Variants in NUDC observed in about 807,000 individuals in gnomAD.
NUDC encodes nuclear migration protein nudC.
NUDC carries 14 observed loss-of-function variants against 45.0 expected under a neutral mutation model. That is an observed-to-expected ratio of 0.31 (90% CI 0.21 to 0.49). The LOEUF (loss-of-function observed/expected upper bound fraction) is 0.49. NUDC is among the 20% of genes least tolerant of loss of function. The pLI is 0.99. For synonymous variants in NUDC, 153 were observed against 156.7 expected (o/e 0.98, Z 0.17); for missense variants, 323 against 426.2 (o/e 0.76, Z 2.13).
intron 1 of NUDC, among the ~76,000 whole-genome samples, chr1:26,901,736 A>G (rs997250330): frequency 6.6e-6 from 1 of 151,934 alleles, no homozygotes; most frequent in African/African-American, 2.4e-5. Flanking sequence ...GGGTTATTTG[A>G]TTACTATTGA....
At position 26,942,678 on chromosome 1, in the gene NUDC, G is replaced by A. The variant is rs2082287810; in HGVS notation, c.448G>A (p.Glu150Lys). 6 of 1,613,964 alleles carry A rather than the reference G, an allele frequency of 3.7e-6. No homozygotes were observed. In the African/African-American group the frequency reaches 6.7e-5, roughly 18 times the overall value. ...TAAGCAGGATACTGAGGAAGATGAG[G>A]AGGAAGATGAGAAGGACAAAGGAAA... ...PGKQDTEEDE[E>K]EDEKDKGKLK... The change falls in exon 5 of 9, where the codon GAG becomes AAG. Residue 150 changes from glutamate (E) to lysine (K), a missense_variant. Physicochemically the swap from Glu to Lys is moderately conservative, Grantham distance 56. This residue lies in a region of NUDC where 245 missense variants were observed against 278.8 expected (regional missense o/e 0.88). Transcript: ENST00000321265.
At chr1:26,917,801 G>A (rs982376947), upstream of NUDC, among the ~76,000 whole-genome samples, 13 of 151,646 alleles carry the variant, frequency 8.6e-5, no homozygotes, top group Admixed American at 7.2e-4. Context: ...CAGGAGAATC[G>A]CTTGAACCTG....
intron 2 of NUDC, among the ~76,000 whole-genome samples, chr1:26,927,822 A>G (rs1570728667): frequency 6.6e-6 from 1 of 152,170 alleles, no homozygotes; most frequent in East Asian, 1.9e-4. Context: ...TTGGTATTTA[A>G]AATTATTTGG....
At chr1:26,933,408 T>C (rs2082199594) in intron 2 of NUDC, among the ~76,000 whole-genome samples, 1 of 151,774 alleles carries the variant, frequency 6.6e-6, no homozygotes, top group African/African-American at 2.4e-5. Context: ...ATGGTAGTTT[T>C]TGTTTTTGTT....
chr1:26,903,751 C>G (rs1028071776), intron 2 of NUDC, among the ~76,000 whole-genome samples: 22 of 151,996 alleles, frequency 1.4e-4, no homozygotes, highest in African/African-American at 5.1e-4. Flanking sequence ...TGGCTCACAC[C>G]TGTAATTCCA....
At chr1:26,928,853 C>T (rs1479087067) in intron 2 of NUDC, among the ~76,000 whole-genome samples, 2 of 152,184 alleles carry the variant, frequency 1.3e-5, no homozygotes, top group African/African-American at 2.4e-5. Flanking sequence ...CTATGGAAAA[C>T]GTTATGGCGG....
chr1:26,912,106 A>T (rs757000078), intron 3 of NUDC: 1 of 1,612,578 alleles, frequency 6.2e-7, no homozygotes, highest in Non-Finnish European at 8.5e-7. Flanking sequence ...GAGAGGGAGA[A>T]GAGGGCTGGT....
upstream of NUDC, among the ~76,000 whole-genome samples, chr1:26,917,053 T>A (rs1156450293): frequency 6.6e-6 from 1 of 151,776 alleles, no homozygotes; most frequent in Admixed American, 6.6e-5. Flanking sequence ...AGGTCAGGAG[T>A]TCGAGACCAG....
At chr1:26,905,588 A>G (rs776294296) in intron 2 of NUDC, among the ~76,000 whole-genome samples, 2 of 151,598 alleles carry the variant, frequency 1.3e-5, no homozygotes, top group Non-Finnish European at 2.9e-5. Context: ...CTAGTGGAAG[A>G]TAAGGGTTAC....
chr1:26,912,853 C>T (rs1399465004), intron 3 of NUDC, among the ~76,000 whole-genome samples: 1 of 152,220 alleles, frequency 6.6e-6, no homozygotes, highest in Non-Finnish European at 1.5e-5. Flanking sequence ...GCAAATTTCT[C>T]AGGCAGAGTG....
At chr1:26,912,458 G>A (rs1452110399) in intron 3 of NUDC, among the ~76,000 whole-genome samples, 3 of 152,226 alleles carry the variant, frequency 2.0e-5, no homozygotes, top group East Asian at 3.9e-4. Context: ...GCTTTTATGA[G>A]ATTTAAATGA....
intron 5 of NUDC, 42 bp from the exon 6 acceptor site, chr1:26,942,829 C>T (rs1218058987): frequency 6.2e-7 from 1 of 1,614,054 alleles, no homozygotes; most frequent in East Asian, 2.2e-5. Flanking sequence ...GGGGTACCAG[C>T]AGCACTTAGT....
intron 3 of NUDC, among the ~76,000 whole-genome samples, chr1:26,913,208 AC>A (rs1281541549): frequency 6.6e-6 from 1 of 152,000 alleles, no homozygotes; most frequent in Non-Finnish European, 1.5e-5. Flanking sequence ...AATTGCTTGA[AC>A]CCAGGAGGCA....
intron 2 of NUDC, among the ~76,000 whole-genome samples, chr1:26,930,948 A>G (rs2082178042): frequency 1.3e-5 from 2 of 151,820 alleles, no homozygotes; most frequent in African/African-American, 2.4e-5. Flanking sequence ...CCTGGGAGAC[A>G]GAGTTTGCAG....
In NUDC at chr1:26,931,109, G is replaced by A. The variant is rs187612094; in HGVS notation, c.159+6943G>A. Among the ~76,000 whole-genome samples, 143 of 152,024 alleles carry A rather than the reference G, an allele frequency of 9.4e-4. 1 individual carries two copies. Among genetic ancestry groups the A allele is most frequent in the African/African-American group, 3.2e-3 (132 of 41,476 alleles). ...GTTTGTTTGTTTGAGACGGAGTCTCGCTCTGTTGCCCAGCCTGGAGTGCAG... is the reference window on the plus strand; with the variant it reads ...GTTTGTTTGTTTGAGACGGAGTCTCACTCTGTTGCCCAGCCTGGAGTGCAG... On this transcript the variant is annotated intron_variant, in intron 2 of 8. Coordinates refer to ENST00000321265, the MANE Select transcript of NUDC (RefSeq NM_006600.4).
upstream of NUDC, among the ~76,000 whole-genome samples, chr1:26,916,787 T>G (rs2124079944): frequency 2.0e-5 from 3 of 152,156 alleles, no homozygotes; most frequent in South Asian, 6.2e-4. Context: ...AAACCCCATC[T>G]CTACAAAAAA....
rs187406349 is a variant in NUDC at position 26,933,602 on chromosome 1, C to T, written c.160-7855C>T. ...CTAATTTTTGTATTTCTATTAGAGACGGGGTTTCACCATGTTGGCCAGGTT... is the reference window on the plus strand; with the variant it reads ...CTAATTTTTGTATTTCTATTAGAGATGGGGTTTCACCATGTTGGCCAGGTT... On this transcript the variant is annotated intron_variant, in intron 2 of 8. Coordinates refer to ENST00000321265, the MANE Select transcript of NUDC (RefSeq NM_006600.4). Among the ~76,000 whole-genome samples the T allele has an allele frequency of 2.7e-4, 41 of 151,794 alleles. No homozygotes were observed. The East Asian group carries it at 7.5e-3, about 28-fold the overall frequency.
intron 6 of NUDC, among the ~76,000 whole-genome samples, chr1:26,944,116 G>A (rs947050855): frequency 6.6e-6 from 1 of 151,598 alleles, no homozygotes; most frequent in East Asian, 1.9e-4. Flanking sequence ...GGATGGTCTC[G>A]ATCTCCTGAC....
intron 6 of NUDC, among the ~76,000 whole-genome samples, chr1:26,943,405 G>GT (rs1488910019): frequency 7.1e-6 from 1 of 140,464 alleles, no homozygotes; most frequent in African/African-American, 3.3e-5. Flanking sequence ...TGTAGAGACC[G>GT]GGGGGTCTCA....
Sources: gnomAD v4.1 joint callset for allele counts (sites outside exome capture counted in the v4.1 genomes callset) on GRCh38, gnomAD v4.1.1 for gene constraint, gnomAD v4.1.1 regional missense constraint, MANE v1.5 for transcripts, NCBI Gene and HGNC (gene_info 2026-07-23, HGNC 2026-07-21) for gene names.